Variants in MSR1 observed in about 807,000 individuals in gnomAD.
MSR1 encodes macrophage scavenger receptor 1, also known as macrophage scavenger receptor types I and II.
Under a neutral mutation model 47.2 loss-of-function variants are expected in MSR1, and 53 were observed. The observed-to-expected ratio is 1.12, with a 90% CI of 0.90 to 1.41. The LOEUF is 1.41. Ranked by LOEUF, MSR1 falls within the 40% of genes most tolerant of loss-of-function variation. The probability of loss-of-function intolerance (pLI) is 0.00; values close to 1 mark genes in which losing one functional copy is unlikely to be tolerated. For missense variants in MSR1, 786 were observed against 546.9 expected (o/e 1.44, Z -4.36); for synonymous variants, 239 against 185.6 (o/e 1.29, Z -2.34).
chr8:16,133,462 T>C (rs1800312724), intron 8 of MSR1, among the ~76,000 whole-genome samples: 1 of 152,112 alleles, frequency 6.6e-6, no homozygotes, highest in African/African-American at 2.4e-5. Flanking sequence ...AGCAAGAGCA[T>C]TGTCATGATG....
chr8:16,164,185 G>A lies in MSR1; in HGVS notation c.697C>T (p.Gln233Ter), dbSNP rs756885267. 3 of 1,612,012 alleles carry A rather than the reference G, an allele frequency of 1.9e-6. No homozygotes were observed. Among genetic ancestry groups the A allele is most frequent in the African/African-American group, 2.7e-5 (2 of 74,808 alleles). ...SAEIMAMKEEQVHLEQEIKGE... is the reference protein window; with the variant it reads ...SAEIMAMKEE ...TTTATTTCCTGTTCCAAATGCACTT[G>A]TTCTTCTTTCATAGCCATAATTTCT... The change falls in exon 5 of 10, where the codon CAA becomes TAA. Residue 233 changes from glutamine (Q) to a stop codon, truncating the protein, a stop_gained. Transcript: ENST00000262101. LOFTEE classifies it high-confidence loss of function.
At chr8:16,120,843 G>A (rs764270629) in intron 8 of MSR1, 17 of 555,136 alleles carry the variant, frequency 3.1e-5, no homozygotes, top group Non-Finnish European at 5.4e-5. Flanking sequence ...TGTCTTACAT[G>A]TAAGTTATAT....
At chr8:16,140,310 A>C in intron 8 of MSR1, 1 of 985,084 alleles carries the variant, frequency 1.0e-6, no homozygotes, top group Non-Finnish European at 1.2e-6. Context: ...AAAGCCCTTG[A>C]CTCAGTCTTT....
chr8:16,135,336 G>A (rs1800364259), intron 8 of MSR1, among the ~76,000 whole-genome samples: 1 of 152,152 alleles, frequency 6.6e-6, no homozygotes, highest in African/African-American at 2.4e-5. Context: ...GGGCCCTTAT[G>A]AGTTATGCTA....
intron 8 of MSR1, among the ~76,000 whole-genome samples, chr8:16,125,737 G>C (rs1359277910): frequency 1.3e-5 from 2 of 152,052 alleles, no homozygotes; most frequent in East Asian, 3.9e-4. Context: ...CTTCAACTCT[G>C]CTCATAACAT....
At chr8:16,145,335 T>C (rs1800668554) in intron 7 of MSR1, among the ~76,000 whole-genome samples, 1 of 152,080 alleles carries the variant, frequency 6.6e-6, no homozygotes, top group Non-Finnish European at 1.5e-5. Context: ...AATTTTCAGA[T>C]TGTCCAAGAG....
chr8:16,168,056 G>C (rs1421542383), intron 4 of MSR1, among the ~76,000 whole-genome samples: 1 of 151,244 alleles, frequency 6.6e-6, no homozygotes, highest in African/African-American at 2.5e-5. Flanking sequence ...AAAGTTCTGA[G>C]TGAAACTTAC....
chr8:16,114,606 T>TA (rs1323760650), intron 9 of MSR1, among the ~76,000 whole-genome samples: 3 of 152,132 alleles, frequency 2.0e-5, no homozygotes, highest in African/African-American at 7.2e-5. Context: ...TGTGCATTGA[T>TA]AAACAGTAGA....
intron 1 of MSR1, among the ~76,000 whole-genome samples, chr8:16,190,708 C>A (rs981862741): frequency 6.8e-6 from 1 of 146,614 alleles, no homozygotes; most frequent in East Asian, 2.0e-4. Flanking sequence ...TTATCATATT[C>A]TTTCTTTTTT....
At chr8:16,117,915 T>C (rs1246481184) in intron 9 of MSR1, among the ~76,000 whole-genome samples, 1 of 152,106 alleles carries the variant, frequency 6.6e-6, no homozygotes, top group East Asian at 1.9e-4. Context: ...ATGTGCACAA[T>C]AAATGTCATG....
At chr8:16,186,094 T>G in intron 1 of MSR1, 1 of 1,306,314 alleles carries the variant, frequency 7.7e-7, no homozygotes, top group Non-Finnish European at 1.1e-6. Context: ...CTTGCAAGAT[T>G]GGCAGTAATA....
intron 8 of MSR1, among the ~76,000 whole-genome samples, chr8:16,124,656 G>A (rs961936916): frequency 5.9e-5 from 9 of 151,928 alleles, no homozygotes; most frequent in East Asian, 1.9e-4. Context: ...TCCAAATTTC[G>A]ATTGGTTACT....
rs541408785 is a variant in MSR1, at chr8:16,165,220, A to T, written c.631-969T>A. Among the ~76,000 whole-genome samples, 3 of 152,200 alleles carry T rather than the reference A, an allele frequency of 2.0e-5. No homozygotes were observed. The East Asian group carries it at 5.8e-4, about 29-fold the overall frequency. ...TCAACCATTGCCGTACTACTCTCCA[A>T]ATATATGCTACCATTTTTCTTCCTC... is the stretch of plus-strand genomic sequence containing the variant. On this transcript the variant is annotated intron_variant, in intron 4 of 9. Coordinates refer to ENST00000262101, the MANE Select transcript of MSR1 (RefSeq NM_138715.3).
chr8:16,172,906 T>G (rs1296639705), intron 3 of MSR1, among the ~76,000 whole-genome samples: 1 of 152,194 alleles, frequency 6.6e-6, no homozygotes, highest in African/African-American at 2.4e-5. Flanking sequence ...ATTTTAGGGA[T>G]ATATTCTGTC....
Position 16,128,502 on chromosome 8 carries a change from C to A in MSR1, c.1034-7896G>T, listed in dbSNP as rs191478973. 4.6e-5 allele frequency among the ~76,000 whole-genome samples: 7 copies of A among 152,150 alleles called. No homozygotes were observed. The East Asian group carries it at 1.2e-3, about 25-fold the overall frequency. On this transcript the variant is annotated intron_variant, in intron 8 of 9. Transcript: ENST00000262101. ...GAAGCCTCAGGAGAAGCCAATCCTG[C>A]CCCCAGCTTGATCATGGGCTTTTAA...
intron 1 of MSR1, chr8:16,186,139 T>C (rs779894642): frequency 2.6e-5 from 39 of 1,527,296 alleles, no homozygotes; most frequent in Admixed American, 2.2e-4. Flanking sequence ...AGTGCATAAA[T>C]GAAAGTTGTT....
In MSR1 at chr8:16,177,756, C is replaced by A. The variant is rs1018303760; in HGVS notation, c.103+130G>T. 4.7e-5 allele frequency: 34 copies of A among 720,270 alleles called. No individual in the cohort carries two copies. In the African/African-American group the frequency reaches 5.3e-4, roughly 11 times the overall value. 44.6% of individuals were successfully genotyped at this position (720,270 alleles called of 1,614,324 possible). On this transcript the variant is annotated intron_variant, in intron 2 of 9. Coordinates refer to ENST00000262101, the MANE Select transcript of MSR1 (RefSeq NM_138715.3). Reference sequence around the variant, plus strand: ...TTATTTTTATTCTGTCTCAAGAATACCCCTGTTGGTCAAATAAGTATTATT... The same window carrying A: ...TTATTTTTATTCTGTCTCAAGAATAACCCTGTTGGTCAAATAAGTATTATT...
chr8:16,159,059 C>T (rs898944297), intron 5 of MSR1, among the ~76,000 whole-genome samples: 8 of 150,840 alleles, frequency 5.3e-5, no homozygotes, highest in African/African-American at 1.9e-4. Context: ...GTCTCAGCCT[C>T]CCAAAGCGCT....
At chr8:16,129,768 T>G (rs532731827) in intron 8 of MSR1, among the ~76,000 whole-genome samples, 1 of 68,902 alleles carries the variant, frequency 1.5e-5, no homozygotes, top group Non-Finnish European at 5.8e-5. Context: ...TAAAAAAGAT[T>G]TACATCTTAA....
Sources: allele counts gnomAD v4.1 joint callset (sites outside exome capture counted in the v4.1 genomes callset), GRCh38; gene constraint gnomAD v4.1.1; transcripts MANE v1.5; gene names NCBI Gene and HGNC (gene_info 2026-07-23, HGNC 2026-07-21).